The following COL25A1 variants were observed in gnomAD, a reference collection of about 807,000 sequenced individuals.
COL25A1 encodes the protein collagen type XXV alpha 1 chain.
A neutral mutation model predicts 128.4 loss-of-function variants in COL25A1; 103 were observed. The observed-to-expected ratio is 0.80, with a 90% CI of 0.68 to 0.94. COL25A1 has a LOEUF of 0.94. COL25A1 is among the 40% of genes least tolerant of loss of function. The pLI is 0.00. For missense variants in COL25A1, 745 were observed against 840.0 expected (o/e 0.89, Z 1.40); for synonymous variants, 279 against 277.2 (o/e 1.01, Z -0.06).
intron 3 of COL25A1, among the ~76,000 whole-genome samples, chr4:109,287,700 G>C (rs1040663767): frequency 6.6e-6 from 1 of 152,096 alleles, no homozygotes; most frequent in African/African-American, 2.4e-5. Flanking sequence ...TATAGGCAAG[G>C]CCATCATCTA....
At chr4:108,982,593 T>TTA (rs1284581864) in intron 6 of COL25A1, among the ~76,000 whole-genome samples, 1 of 152,178 alleles carries the variant, frequency 6.6e-6, no homozygotes, top group Non-Finnish European at 1.5e-5. Context: ...ACCGTGTTTA[T>TTA]TATAGTGTCA....
chr4:108,945,867 G>A (rs534484832), intron 8 of COL25A1, among the ~76,000 whole-genome samples: 1 of 152,200 alleles, frequency 6.6e-6, no homozygotes, highest in East Asian at 1.9e-4. Context: ...GTTTCACCAT[G>A]TTGCCCAGGC....
intron 31 of COL25A1, among the ~76,000 whole-genome samples, chr4:108,839,112 G>T (rs1010682596): frequency 6.6e-6 from 1 of 152,118 alleles, no homozygotes; most frequent in Non-Finnish European, 1.5e-5. Context: ...GGCAGAAGGG[G>T]TTTTTAACCT....
intron 3 of COL25A1, among the ~76,000 whole-genome samples, chr4:109,299,494 G>T (rs1415033763): frequency 6.6e-6 from 1 of 152,146 alleles, no homozygotes; most frequent in East Asian, 1.9e-4. Context: ...GTACAACCTG[G>T]AGTTGACATT....
intron 3 of COL25A1, among the ~76,000 whole-genome samples, chr4:109,275,497 T>G (rs1296798952): frequency 6.6e-6 from 1 of 152,146 alleles, no homozygotes; most frequent in Non-Finnish European, 1.5e-5. Context: ...CACAGAGATG[T>G]GTGACCCACT....
chr4:109,296,609 C>T (rs1327225628), intron 3 of COL25A1, among the ~76,000 whole-genome samples: 1 of 152,104 alleles, frequency 6.6e-6, no homozygotes, highest in Non-Finnish European at 1.5e-5. Context: ...TTGTCCAGCA[C>T]TCCTATTTTG....
intron 3 of COL25A1, among the ~76,000 whole-genome samples, chr4:109,127,934 G>C (rs1333139535): frequency 6.6e-6 from 1 of 152,082 alleles, no homozygotes; most frequent in Non-Finnish European, 1.5e-5. Context: ...AAACTAATGA[G>C]AAATGACAGA....
chr4:109,286,583 T>C (rs1330410103), intron 3 of COL25A1, among the ~76,000 whole-genome samples: 1 of 152,104 alleles, frequency 6.6e-6, no homozygotes, highest in Non-Finnish European at 1.5e-5. Context: ...CTGGGAATGA[T>C]TTTTGCTTCC....
At chr4:109,085,897 T>C (rs1220272507) in intron 3 of COL25A1, among the ~76,000 whole-genome samples, 1 of 152,176 alleles carries the variant, frequency 6.6e-6, no homozygotes, top group Non-Finnish European at 1.5e-5. Context: ...TAACATCCAG[T>C]ATATTTTATA....
intron 6 of COL25A1, among the ~76,000 whole-genome samples, chr4:108,974,837 GT>G (rs1242048481): frequency 2.0e-5 from 3 of 152,154 alleles, no homozygotes; most frequent in Non-Finnish European, 4.4e-5. Flanking sequence ...GTAGAACCCA[GT>G]TAAAGAAATA....
At chr4:108,962,523 T>C (rs1429243483) in intron 8 of COL25A1, among the ~76,000 whole-genome samples, 1 of 152,118 alleles carries the variant, frequency 6.6e-6, no homozygotes, top group East Asian at 1.9e-4. Flanking sequence ...TGAAGCTGAC[T>C]AAAATACCTG....
At chr4:108,972,718 T>C (rs770300314) in intron 8 of COL25A1, among the ~76,000 whole-genome samples, 1 of 152,214 alleles carries the variant, frequency 6.6e-6, no homozygotes, top group Non-Finnish European at 1.5e-5. Flanking sequence ...GGGCTCTGAA[T>C]TGAGTGAAAC....
At chr4:109,247,362 G>A (rs186944325) in intron 3 of COL25A1, among the ~76,000 whole-genome samples, 8 of 152,024 alleles carry the variant, frequency 5.3e-5, no homozygotes, top group East Asian at 1.9e-4. Context: ...AGGAAAGGAG[G>A]GAGGGAGGAT....
chr4:109,247,172 T>C (rs2126238124), intron 3 of COL25A1, among the ~76,000 whole-genome samples: 1 of 152,296 alleles, frequency 6.6e-6, no homozygotes, highest in South Asian at 2.1e-4. Context: ...AAGACCAGCC[T>C]GGCCAACATG....
chr4:108,958,701 T>C (rs1056145192), intron 8 of COL25A1, among the ~76,000 whole-genome samples: 2 of 152,090 alleles, frequency 1.3e-5, no homozygotes, highest in Admixed American at 1.3e-4. Flanking sequence ...TAACGATGGT[T>C]ATTCTATCTA....
At chr4:108,883,462 T>A (rs1042126024) in intron 19 of COL25A1, among the ~76,000 whole-genome samples, 1 of 152,208 alleles carries the variant, frequency 6.6e-6, no homozygotes, top group Non-Finnish European at 1.5e-5. Flanking sequence ...AAAAAACTTT[T>A]AAAATAAGAA....
intron 3 of COL25A1, among the ~76,000 whole-genome samples, chr4:109,111,016 T>G (rs1171215585): frequency 6.6e-6 from 1 of 152,214 alleles, no homozygotes; most frequent in African/African-American, 2.4e-5. Context: ...CATTTTTCAT[T>G]GTCTACAGGA....
chr4:109,297,333 G>A (rs926693794), intron 3 of COL25A1, among the ~76,000 whole-genome samples: 1 of 151,992 alleles, frequency 6.6e-6, no homozygotes, highest in Non-Finnish European at 1.5e-5. Flanking sequence ...ATTTAAAATT[G>A]AAAAGGAGTC....
chr4:109,231,007 C>T (rs763910613), intron 3 of COL25A1, among the ~76,000 whole-genome samples: 5 of 151,912 alleles, frequency 3.3e-5, no homozygotes, highest in South Asian at 2.1e-4. Context: ...GGCGTGGTGG[C>T]GCATGCCTGT....
Sources: allele counts gnomAD v4.1 joint callset (sites outside exome capture counted in the v4.1 genomes callset), GRCh38; gene constraint gnomAD v4.1.1; transcripts MANE v1.5; gene names NCBI Gene and HGNC (gene_info 2026-07-23, HGNC 2026-07-21).